The following BTBD17 variants were observed in gnomAD, a reference collection of about 807,000 sequenced individuals.
BTBD17 encodes BTB/POZ domain-containing protein 17.
BTBD17 carries 26 observed loss-of-function variants against 36.9 expected under a neutral mutation model. The observed-to-expected ratio is 0.70, with a 90% CI of 0.52 to 0.98. BTBD17 has a LOEUF of 0.98. Among genes scored for constraint, BTBD17 ranks in the 50% least tolerant of loss-of-function variants. The pLI is 0.00. For synonymous variants in BTBD17, 341 were observed against 338.0 expected (o/e 1.01, Z -0.10); for missense variants, 630 against 691.3 (o/e 0.91, Z 0.99).
upstream of BTBD17, among the ~76,000 whole-genome samples, chr17:74,363,206 T>C (rs542489513): frequency 6.6e-6 from 1 of 152,270 alleles, no homozygotes; most frequent in African/African-American, 2.4e-5. Context: ...TTTCTGCCTC[T>C]GGCTGGCACA....
At chr17:74,362,968 G>GCA (rs1395916648), upstream of BTBD17, among the ~76,000 whole-genome samples, 156 of 133,322 alleles carry the variant, frequency 1.2e-3, no homozygotes, top group African/African-American at 5.7e-3. Context: ...GCGCGCGCAT[G>GCA]TGTGTGTGTG....
rs762781568 is a variant in BTBD17, at chr17:74,359,942, C to A, written c.362+27G>T. Reference sequence around the variant, plus strand: ...GCCGGGGGCTGAGGAAGGGATGAAGCCATCCCCTAGTCTTCCGCGTCCCCA... The same window carrying A: ...GCCGGGGGCTGAGGAAGGGATGAAGACATCCCCTAGTCTTCCGCGTCCCCA... On this transcript the variant is annotated intron_variant, in intron 2 of 2. Coordinates refer to ENST00000375366, the MANE Select transcript of BTBD17 (RefSeq NM_001080466.2). The A allele has an allele frequency of 1.0e-5, 16 of 1,591,512 alleles. No homozygotes were observed. In the East Asian group the frequency reaches 2.9e-4, roughly 29 times the overall value.
chr17:74,358,517 G>A (rs2054914215), intron 2 of BTBD17, among the ~76,000 whole-genome samples: 1 of 112,960 alleles, frequency 8.9e-6, no homozygotes, highest in African/African-American at 3.2e-5. Flanking sequence ...GGGTCTTTCT[G>A]TATTGCTCAG....
At chr17:74,362,974 G>T (rs914933270), upstream of BTBD17, among the ~76,000 whole-genome samples, 2 of 151,726 alleles carry the variant, frequency 1.3e-5, no homozygotes, top group African/African-American at 4.8e-5. Context: ...GCATGTGTGT[G>T]TGTGTGTGTG....
chr17:74,360,285 C>G lies in BTBD17; in HGVS notation c.86-40G>C, dbSNP rs2054929511. On this transcript the variant is annotated intron_variant, in intron 1 of 2. Transcript: ENST00000375366. ...AACACAGCATAGCCTGAGAAGGTGC[C>G]CGGGCCCAGAACCTCAGTCAGGGGT... is the stretch of plus-strand genomic sequence containing the variant. The G allele has an allele frequency of 2.6e-6, 4 of 1,556,578 alleles. No homozygotes were observed. The African/African-American group carries it at 5.4e-5, about 21-fold the overall frequency.
Position 74,357,178 on chromosome 17 carries a change from C to A in BTBD17, c.916G>T (p.Val306Phe). 6.4e-7 allele frequency: 1 copy of A among 1,554,644 alleles called. No individual in the cohort carries two copies. The highest frequency in any genetic ancestry group is 8.7e-7 in the Non-Finnish European group (1 of 1,155,336). ...CGGGGCAGGAAGGCGCTGCCGTTGA[C>A]GTCGAAGAACTTGGCGTAGTGCAGC... Reference protein sequence around the residue: ...SPLHYAKFFDVNGSAFLPRNY... With the variant: ...SPLHYAKFFDFNGSAFLPRNY... Residue 306 changes from valine to phenylalanine, a missense_variant, in exon 3 of 3, where the codon GTC becomes TTC. Physicochemically the swap from Val to Phe is conservative, Grantham distance 50. Coordinates refer to ENST00000375366, the MANE Select transcript of BTBD17 (RefSeq NM_001080466.2). The surrounding 1 kb of genome is among the most constrained non-coding windows in gnomAD (Gnocchi z 8.4).
At chr17:74,361,916 C>A (rs779071157), upstream of BTBD17, 3 of 959,406 alleles carry the variant, frequency 3.1e-6, no homozygotes, top group Non-Finnish European at 4.7e-6. Flanking sequence ...CACAAGGGGA[C>A]GGCACCCCCC....
intron 1 of BTBD17, 21 bp downstream of exon 1, chr17:74,361,714 C>G (rs1264015632): frequency 1.9e-6 from 3 of 1,606,736 alleles, no homozygotes; most frequent in Non-Finnish European, 2.6e-6. Flanking sequence ...CTGCCCCGCA[C>G]CTGGCCCACT....
chr17:74,362,965 C>CGTGT (rs112779081), upstream of BTBD17, among the ~76,000 whole-genome samples: 13,536 of 145,864 alleles, frequency 0.093, 777 homozygotes, highest in East Asian at 0.27. Context: ...AGCGCGCGCG[C>CGTGT]ATGTGTGTGT....
chr17:74,362,065 G>T, upstream of BTBD17: 1 of 472,214 alleles, frequency 2.1e-6, no homozygotes, highest in Non-Finnish European at 3.8e-6. Flanking sequence ...CCCCCAAGGG[G>T]AACAGATCCG....
At position 74,356,864 on chromosome 17, in the gene BTBD17, C is replaced by G; in HGVS notation, c.1230G>C (p.Gln410His). Residue 410 changes from glutamine to histidine, a missense_variant, in exon 3 of 3, where the codon CAG becomes CAC. Transcript: ENST00000375366. The surrounding 1 kb of genome is among the most constrained non-coding windows in gnomAD (Gnocchi z 4.3). ...SGGDAAGVSF[Q>H]KTVLVGARQQ... ...GGCGCGCCCCCACCAGCACCGTCTT[C>G]TGGAAGCTCACGCCCGCCGCGTCGC... 1 of 1,529,568 alleles carries G rather than the reference C, an allele frequency of 6.5e-7. No individual in the cohort carries two copies. The highest frequency in any genetic ancestry group is 8.7e-7 in the Non-Finnish European group (1 of 1,148,416). 94.7% of individuals were successfully genotyped at this position (1,529,568 alleles called of 1,614,324 possible).
chr17:74,359,865 G>A, intron 2 of BTBD17, 104 bp downstream of exon 2: 1 of 1,170,478 alleles, frequency 8.5e-7, no homozygotes, highest in African/African-American at 1.5e-5. Flanking sequence ...CCGGGGAAAT[G>A]GACATAACAA....
Position 74,357,481 on chromosome 17 carries a change from A to G in BTBD17, c.613T>C (p.Trp205Arg). ...NLSAVAASTE[W>R]GAVSPELLWQ... is the part of the protein sequence containing the mutation. ...AGCAGCTCGGGGCTCACGGCGCCCC[A>G]CTCGGTGCTGGCCGCCACGGCCGAC... is the stretch of plus-strand genomic sequence containing the variant. Residue 205 changes from tryptophan (W) to arginine (R), a missense_variant, in exon 3 of 3, where the codon TGG (tryptophan) becomes CGG (arginine). Coordinates refer to ENST00000375366, the MANE Select transcript of BTBD17 (RefSeq NM_001080466.2). This position sits in a 1 kb window ranked among gnomAD's most constrained non-coding sequence, Gnocchi z 8.4. The G allele has an allele frequency of 6.4e-7, 1 of 1,572,502 alleles. No homozygotes were observed.
intron 1 of BTBD17, among the ~76,000 whole-genome samples, chr17:74,361,408 G>T (rs1324415238): frequency 3.9e-5 from 6 of 152,252 alleles, no homozygotes; most frequent in Admixed American, 3.9e-4. Context: ...GAGGGACAAA[G>T]GGAGGGTGAA....
rs1404610669 is a variant in BTBD17 at position 74,356,886 on chromosome 17, T to C, written c.1208A>G (p.Asp403Gly). The C allele has an allele frequency of 6.7e-7, 1 of 1,483,624 alleles. No individual in the cohort carries two copies. The highest frequency in any genetic ancestry group is 8.9e-7 in the Non-Finnish European group (1 of 1,126,604). 91.9% of individuals were successfully genotyped at this position (1,483,624 alleles called of 1,614,324 possible). Residue 403 changes from aspartate to glycine, a missense_variant, in exon 3 of 3, where the codon GAC (aspartate) becomes GGC (glycine). Asp to Gly is a moderately conservative substitution (Grantham distance 94). Transcript: ENST00000375366. The surrounding 1 kb of genome is among the most constrained non-coding windows in gnomAD (Gnocchi z 4.3). ...LVVTPASSGG[D>G]AAGVSFQKTV... ...CTTCTGGAAGCTCACGCCCGCCGCG[T>C]CGCCGCCGCTGCTGGCCGGCGTCAC... is the stretch of plus-strand genomic sequence containing the variant.
chr17:74,356,434 G>A lies in BTBD17; in HGVS notation c.*223C>T. The A allele has an allele frequency of 1.5e-6, 1 of 674,218 alleles. No homozygotes were observed. The highest frequency in any genetic ancestry group is 2.1e-6 in the Non-Finnish European group (1 of 476,156). 41.8% of individuals were successfully genotyped at this position (674,218 alleles called of 1,614,324 possible). A position where few individuals can be genotyped will look rare whatever the true frequency, so the allele number is the denominator to read the frequency against. ...TCATCCCTTTACCACTCTGAGCATC[G>A]GTTTATTCAGGACCAAGAACGTTCC... On this transcript the variant is annotated 3_prime_UTR_variant, in exon 3 of 3. Coordinates refer to ENST00000375366, the MANE Select transcript of BTBD17 (RefSeq NM_001080466.2). This position sits in a 1 kb window ranked among gnomAD's most constrained non-coding sequence, Gnocchi z 4.3.
chr17:74,356,672 G>T lies in BTBD17; in HGVS notation c.1422C>A (p.Ile474=), dbSNP rs1335648820. 8 of 1,554,818 alleles carry T rather than the reference G, an allele frequency of 5.1e-6. No homozygotes were observed. In the South Asian group the frequency reaches 9.5e-5, roughly 18 times the overall value. The change falls in exon 3 of 3, where the codon ATC becomes ATA. Residue 474 remains isoleucine, a synonymous_variant. Transcript: ENST00000375366. The surrounding 1 kb of genome is among the most constrained non-coding windows in gnomAD (Gnocchi z 4.3). ...LIVKPVYHTL[I]RTPK ...GACCCCGAGGCTACTTGGGGGTCCG[G>T]ATAAGGGTGTGGTATACGGGCTTGA...
rs1258404621 is a variant in BTBD17 at position 74,356,713 on chromosome 17, G to T, written c.1381C>A (p.His461Asn). The T allele has an allele frequency of 1.3e-6, 2 of 1,597,498 alleles. No individual in the cohort carries two copies. The highest frequency in any genetic ancestry group is 2.3e-5 in the East Asian group (1 of 43,078). ...ACGGGCTTGACGATGAGGTGCAGGTGCAGGGCGTTCTCAACCAGGTACTCG... is the reference window on the plus strand; with the variant it reads ...ACGGGCTTGACGATGAGGTGCAGGTTCAGGGCGTTCTCAACCAGGTACTCG... ...NSEYLVENAL[H>N]LHLIVKPVYH... is the part of the protein sequence containing the mutation. The change falls in exon 3 of 3, where the codon CAC becomes AAC. Residue 461 changes from histidine (H) to asparagine (N), a missense_variant. His to Asn is a moderately conservative substitution (Grantham distance 68). Transcript: ENST00000375366. The surrounding 1 kb of genome is among the most constrained non-coding windows in gnomAD (Gnocchi z 4.3).
intron 1 of BTBD17, 120 bp downstream of exon 1, chr17:74,361,615 G>A (rs2054938857): frequency 1.3e-6 from 1 of 748,614 alleles, no homozygotes; most frequent in Admixed American, 2.6e-5. Context: ...GAGCTGTCCG[G>A]TCCACCCCGT....
Sources: gnomAD v4.1 joint callset for allele counts (sites outside exome capture counted in the v4.1 genomes callset) on GRCh38, gnomAD v4.1.1 for gene constraint, Gnocchi (gnomAD v3.1) non-coding constraint, MANE v1.5 for transcripts, NCBI Gene and HGNC (gene_info 2026-07-23, HGNC 2026-07-21) for gene names.